PKN2: variants seen among roughly 807,000 people sequenced by gnomAD.
PKN2 encodes the protein serine/threonine-protein kinase N2.
PKN2 carries 38 observed loss-of-function variants against 119.1 expected under a neutral mutation model. The ratio of observed to expected loss-of-function variants is 0.32; its 90% CI spans 0.25 to 0.42. The LOEUF is 0.42. Among genes scored for constraint, PKN2 ranks in the 10% least tolerant of loss-of-function variants. The probability of loss-of-function intolerance (pLI) is 1.00; values close to 1 mark genes in which losing one functional copy is unlikely to be tolerated. For missense variants in PKN2, 850 were observed against 1,165.1 expected (o/e 0.73, Z 3.94); for synonymous variants, 390 against 384.9 (o/e 1.01, Z -0.15).
intron 1 of PKN2, among the ~76,000 whole-genome samples, chr1:88,706,016 AT>A (rs1163057890): frequency 1.4e-5 from 2 of 146,040 alleles, no homozygotes; most frequent in African/African-American, 5.0e-5. Context: ...CGGCTTGCCA[AT>A]TTCTAGAAAA....
chr1:88,732,006 T>C (rs970024792), intron 1 of PKN2, among the ~76,000 whole-genome samples: 2 of 152,240 alleles, frequency 1.3e-5, no homozygotes, highest in African/African-American at 4.8e-5. Context: ...CAAATACATA[T>C]TATCACATTT....
chr1:88,740,895 C>T, intron 1 of PKN2, 93 bp from the exon 2 acceptor site: 1 of 726,920 alleles, frequency 1.4e-6, no homozygotes, highest in East Asian at 2.7e-5. Context: ...GTAATGTAAT[C>T]AAGAAAGACT....
At chr1:88,696,780 A>G (rs1204234511) in intron 1 of PKN2, among the ~76,000 whole-genome samples, 1 of 152,154 alleles carries the variant, frequency 6.6e-6, no homozygotes. Context: ...TCCTGCTTAA[A>G]TGTTTCAGTT....
intron 8 of PKN2, among the ~76,000 whole-genome samples, chr1:88,802,731 G>T (rs1671371433): frequency 6.6e-6 from 1 of 152,222 alleles, no homozygotes; most frequent in Non-Finnish European, 1.5e-5. Context: ...CAAATGAGGT[G>T]ATTGGACCTT....
In PKN2 at chr1:88,741,292, T is replaced by C. The variant is rs374431878; in HGVS notation, c.349+4T>C. The C allele has an allele frequency of 1.3e-5, 19 of 1,511,532 alleles. No homozygotes were observed. The African/African-American group carries it at 1.6e-4, about 12-fold the overall frequency. The allele number at this position is 1,511,532 out of a possible 1,614,324, so 93.6% of individuals were successfully genotyped here. ...TCAGATCCAGAAGATATTACAGGTA[T>C]AGTAGTGCTTTATTTGATGTTTATA... On this transcript the variant is annotated splice_donor_region_variant and intron_variant, in intron 2 of 21. Transcript: ENST00000370521.
At chr1:88,705,913 A>G (rs538480602) in intron 1 of PKN2, among the ~76,000 whole-genome samples, 57 of 151,992 alleles carry the variant, frequency 3.8e-4, no homozygotes, top group South Asian at 2.9e-3. Context: ...TAAGTCTCGG[A>G]ATCTGGGAGT....
At chr1:88,692,819 G>C (rs1168620851) in intron 1 of PKN2, among the ~76,000 whole-genome samples, 3 of 152,114 alleles carry the variant, frequency 2.0e-5, no homozygotes, top group Non-Finnish European at 2.9e-5. Flanking sequence ...AGTTGTGTGG[G>C]AGGGACAGTT....
intron 2 of PKN2, among the ~76,000 whole-genome samples, chr1:88,754,301 C>T (rs1189732531): frequency 6.6e-6 from 1 of 151,784 alleles, no homozygotes; most frequent in African/African-American, 2.4e-5. Flanking sequence ...AGCTATTTTT[C>T]AGTATTAATC....
At chr1:88,770,289 G>T in intron 3 of PKN2, 63 bp from the exon 4 acceptor site, 1 of 917,504 alleles carries the variant, frequency 1.1e-6, no homozygotes, top group Non-Finnish European at 1.8e-6. Context: ...CTGTTTAGAA[G>T]ATAGGAAAAT....
intron 15 of PKN2, among the ~76,000 whole-genome samples, chr1:88,809,870 C>T (rs1252896811): frequency 2.0e-5 from 3 of 152,078 alleles, no homozygotes; most frequent in South Asian, 4.1e-4. Flanking sequence ...CTTGGCCTCC[C>T]GAAGTGTTGT....
chr1:88,724,410 C>T (rs1210079472), intron 1 of PKN2, among the ~76,000 whole-genome samples: 1 of 152,042 alleles, frequency 6.6e-6, no homozygotes, highest in Non-Finnish European at 1.5e-5. Flanking sequence ...GCAAATGTCT[C>T]TTGTTACATA....
intron 2 of PKN2, among the ~76,000 whole-genome samples, chr1:88,743,114 C>T (rs1365173591): frequency 1.3e-5 from 2 of 152,162 alleles, no homozygotes; most frequent in African/African-American, 4.8e-5. Flanking sequence ...TGCTTAAACC[C>T]AGGAAGCAGA....
chr1:88,748,856 G>A (rs2100759495), intron 2 of PKN2, among the ~76,000 whole-genome samples: 1 of 152,222 alleles, frequency 6.6e-6, no homozygotes, highest in South Asian at 2.1e-4. Flanking sequence ...TATTACTTGA[G>A]CCTGAGAGTT....
At chr1:88,743,705 C>T (rs1479498592) in intron 2 of PKN2, among the ~76,000 whole-genome samples, 1 of 152,150 alleles carries the variant, frequency 6.6e-6, no homozygotes, top group Non-Finnish European at 1.5e-5. Flanking sequence ...TAGATGCTTA[C>T]TTGGGAATAT....
At chr1:88,805,810 A>C (rs1370046714) in intron 11 of PKN2, 81 bp from the exon 12 acceptor site, 3 of 1,607,876 alleles carry the variant, frequency 1.9e-6, no homozygotes, top group Non-Finnish European at 2.5e-6. Context: ...TTAAAAAGTA[A>C]ATTGTTTGCT....
chr1:88,751,535 G>A (rs1158268069), intron 2 of PKN2, among the ~76,000 whole-genome samples: 1 of 151,884 alleles, frequency 6.6e-6, no homozygotes, highest in African/African-American at 2.4e-5. Flanking sequence ...AACTTGTATA[G>A]TTTGTTTGTC....
At chr1:88,742,525 G>T (rs542034719) in intron 2 of PKN2, among the ~76,000 whole-genome samples, 51 of 151,922 alleles carry the variant, frequency 3.4e-4, no homozygotes, top group African/African-American at 1.0e-3. Context: ...TAATCCCAAA[G>T]ATGCAAATTA....
At chr1:88,820,752 A>C (rs1448496798) in intron 16 of PKN2, among the ~76,000 whole-genome samples, 4 of 152,144 alleles carry the variant, frequency 2.6e-5, no homozygotes, top group Non-Finnish European at 5.9e-5. Context: ...TTGGAGAAGC[A>C]TATTACGTTT....
chr1:88,783,588 A>C (rs1455493462), intron 6 of PKN2, among the ~76,000 whole-genome samples: 1 of 152,262 alleles, frequency 6.6e-6, no homozygotes, highest in African/African-American at 2.4e-5. Context: ...AAAATTAAGT[A>C]GTTATTTAAA....
Sources: allele counts gnomAD v4.1 joint callset (sites outside exome capture counted in the v4.1 genomes callset), GRCh38; gene constraint gnomAD v4.1.1; transcripts MANE v1.5; gene names NCBI Gene and HGNC (gene_info 2026-07-23, HGNC 2026-07-21).